The following ELOVL6 variants were observed in gnomAD, a reference collection of about 807,000 sequenced individuals.
The protein encoded by ELOVL6 is very long chain fatty acid elongase 6.
Under a neutral mutation model 31.7 loss-of-function variants are expected in ELOVL6, and 8 were observed. That is an observed-to-expected ratio of 0.25 (90% CI 0.15 to 0.45). The LOEUF (loss-of-function observed/expected upper bound fraction) is 0.45, where lower values mean the gene tolerates loss of function less well. Ranked by LOEUF, ELOVL6 falls within the 20% of genes least tolerant of loss-of-function variation. The pLI, the probability that ELOVL6 is intolerant of heterozygous loss-of-function variation, is 1.00. For synonymous variants in ELOVL6, 101 were observed against 117.7 expected, an observed-to-expected ratio of 0.86 and a Z score of 0.92; for missense variants, 126 against 326.4, an observed-to-expected ratio of 0.39 and a Z score of 4.73.
chr4:110,095,620 G>T (rs542159633), intron 2 of ELOVL6, among the ~76,000 whole-genome samples: 1 of 152,124 alleles, frequency 6.6e-6, no homozygotes, highest in Non-Finnish European at 1.5e-5. Flanking sequence ...AGGCAAGATT[G>T]TACATTTTTA....
chr4:110,079,590 A>AGT (rs1007156026), intron 2 of ELOVL6, among the ~76,000 whole-genome samples: 1 of 152,226 alleles, frequency 6.6e-6, no homozygotes, highest in African/African-American at 2.4e-5. Flanking sequence ...TATTCAAAGC[A>AGT]GTGTGTAGAG....
chr4:110,122,291 A>G (rs1308955975), intron 1 of ELOVL6, among the ~76,000 whole-genome samples: 2 of 152,180 alleles, frequency 1.3e-5, no homozygotes, highest in Non-Finnish European at 2.9e-5. Context: ...TTTAAATATG[A>G]ATGGCATTAA....
intron 1 of ELOVL6, among the ~76,000 whole-genome samples, chr4:110,187,695 TAA>T (rs138104384): frequency 4.2e-4 from 55 of 130,036 alleles, no homozygotes; most frequent in Non-Finnish European, 4.8e-4. Flanking sequence ...AAACTCCATC[TAA>T]AAAAAAAAAA....
At chr4:110,189,231 A>C (rs1045826174) in intron 1 of ELOVL6, among the ~76,000 whole-genome samples, 3 of 151,996 alleles carry the variant, frequency 2.0e-5, no homozygotes, top group African/African-American at 7.3e-5. Flanking sequence ...ATTACAGTGA[A>C]GTATGATTGT....
intron 2 of ELOVL6, among the ~76,000 whole-genome samples, chr4:110,087,678 C>T (rs1348076445): frequency 6.6e-6 from 1 of 152,060 alleles, no homozygotes; most frequent in South Asian, 2.1e-4. Context: ...GAGACACTGG[C>T]CCTTACCTTG....
chr4:110,172,432 C>T lies in ELOVL6; in HGVS notation c.89+25815G>A, dbSNP rs191195715. Among the ~76,000 whole-genome samples the T allele has an allele frequency of 6.5e-4, 99 of 152,288 alleles. 1 individual carries two copies. The highest frequency in any genetic ancestry group is 3.4e-3 in the Middle Eastern group (1 of 294). ...GTAGGAACTTAATTCTTATATTCCA[C>T]CTGGGAGCAATGATTCAGTGTTTGC... On this transcript the variant is annotated intron_variant, in intron 1 of 3. Transcript: ENST00000302274.
chr4:110,137,323 C>T (rs1370894752), intron 1 of ELOVL6, among the ~76,000 whole-genome samples: 1 of 152,128 alleles, frequency 6.6e-6, no homozygotes, highest in African/African-American at 2.4e-5. Context: ...TGGCTGCTTC[C>T]GCCTAAGAAG....
chr4:110,159,715 G>C (rs1233968241), intron 1 of ELOVL6, among the ~76,000 whole-genome samples: 1 of 152,114 alleles, frequency 6.6e-6, no homozygotes, highest in African/African-American at 2.4e-5. Flanking sequence ...AACAGTTACA[G>C]AGAATGCAAA....
chr4:110,157,575 G>T (rs1406347739), intron 1 of ELOVL6, among the ~76,000 whole-genome samples: 9 of 152,076 alleles, frequency 5.9e-5, no homozygotes, highest in Admixed American at 5.2e-4. Context: ...TGAGGCTGAG[G>T]CAGGAGAATT....
At chr4:110,066,695 C>A (rs143616157) in intron 2 of ELOVL6, among the ~76,000 whole-genome samples, 1,944 of 147,268 alleles carry the variant, frequency 0.013, 43 homozygotes, top group African/African-American at 0.044. Flanking sequence ...AATATCATGT[C>A]TCTACAAACA....
At chr4:110,131,070 C>T (rs1220926858) in intron 1 of ELOVL6, among the ~76,000 whole-genome samples, 1 of 152,200 alleles carries the variant, frequency 6.6e-6, no homozygotes, top group East Asian at 1.9e-4. Context: ...TTATCATTGA[C>T]TGTACTACAT....
intron 1 of ELOVL6, among the ~76,000 whole-genome samples, chr4:110,118,938 G>T (rs1455055092): frequency 6.6e-6 from 1 of 152,188 alleles, no homozygotes; most frequent in Non-Finnish European, 1.5e-5. Flanking sequence ...GTAGGCATCT[G>T]TAGTCCCAGC....
chr4:110,183,701 TC>T (rs1320108650), intron 1 of ELOVL6, among the ~76,000 whole-genome samples: 1 of 152,138 alleles, frequency 6.6e-6, no homozygotes, highest in Non-Finnish European at 1.5e-5. Flanking sequence ...TTTAGAGAAG[TC>T]TTTTTTTAAA....
intron 1 of ELOVL6, among the ~76,000 whole-genome samples, chr4:110,105,851 C>T (rs1342968127): frequency 6.6e-6 from 1 of 152,168 alleles, no homozygotes; most frequent in Non-Finnish European, 1.5e-5. Context: ...AGTATCATGT[C>T]AGGATAGATA....
At chr4:110,174,755 C>T (rs992204249) in intron 1 of ELOVL6, among the ~76,000 whole-genome samples, 1 of 152,126 alleles carries the variant, frequency 6.6e-6, no homozygotes, top group Admixed American at 6.5e-5. Flanking sequence ...AATTGTCACA[C>T]TATATAACAT....
At chr4:110,112,787 T>C (rs528246833) in intron 1 of ELOVL6, among the ~76,000 whole-genome samples, 1 of 152,186 alleles carries the variant, frequency 6.6e-6, no homozygotes, top group African/African-American at 2.4e-5. Context: ...GGCAGGAGAA[T>C]CTCTTGAACC....
intron 1 of ELOVL6, among the ~76,000 whole-genome samples, chr4:110,181,020 C>G (rs560214859): frequency 1.2e-3 from 187 of 152,128 alleles, no homozygotes; most frequent in African/African-American, 4.0e-3. Flanking sequence ...TCCCTGTAAT[C>G]CTACCTACTA....
chr4:110,068,066 A>G (rs146572774), intron 2 of ELOVL6, among the ~76,000 whole-genome samples: 1 of 152,322 alleles, frequency 6.6e-6, no homozygotes, highest in African/African-American at 2.4e-5. Context: ...AATAACTGAA[A>G]AAAGGACAGT....
chr4:110,181,439 AC>A (rs1759272263), intron 1 of ELOVL6, among the ~76,000 whole-genome samples: 1 of 152,078 alleles, frequency 6.6e-6, no homozygotes, highest in South Asian at 2.1e-4. Flanking sequence ...CTAGAGTGAG[AC>A]CCTGTCTAAA....
Sources: allele counts gnomAD v4.1 joint callset (sites outside exome capture counted in the v4.1 genomes callset), GRCh38; gene constraint gnomAD v4.1.1; transcripts MANE v1.5; gene names NCBI Gene and HGNC (gene_info 2026-07-23, HGNC 2026-07-21).